HSPB8: variants seen among roughly 807,000 people sequenced by gnomAD.
HSPB8 encodes the protein heat shock protein family B (small) member 8.
Under a neutral mutation model 16.5 loss-of-function variants are expected in HSPB8, and 9 were observed. The observed-to-expected ratio is 0.55, with a 90% CI of 0.33 to 0.95. The LOEUF is 0.95. Ranked by LOEUF, HSPB8 falls within the 40% of genes least tolerant of loss-of-function variation. The pLI, the probability that HSPB8 is intolerant of heterozygous loss-of-function variation, is 0.03. For missense variants in HSPB8, 238 were observed against 251.2 expected (o/e 0.95, Z 0.35); for synonymous variants, 99 against 94.8 (o/e 1.04, Z -0.26).
intron 1 of HSPB8, among the ~76,000 whole-genome samples, chr12:119,180,519 G>A (rs1954629759): frequency 6.6e-6 from 1 of 152,166 alleles, no homozygotes; most frequent in Non-Finnish European, 1.5e-5. Context: ...AGGAGGCTGA[G>A]GCCTAGGTGG....
At chr12:119,193,192 C>T (rs529452857) in intron 2 of HSPB8, among the ~76,000 whole-genome samples, 5 of 152,304 alleles carry the variant, frequency 3.3e-5, no homozygotes, top group Middle Eastern at 3.4e-3. Flanking sequence ...GTGCTTGCAT[C>T]ACCATTAATG....
At chr12:119,192,765 A>G (rs1369820123) in intron 2 of HSPB8, among the ~76,000 whole-genome samples, 3 of 152,162 alleles carry the variant, frequency 2.0e-5, no homozygotes, top group Non-Finnish European at 4.4e-5. Flanking sequence ...TGATATATAT[A>G]TGAAAAAAAG....
chr12:119,186,990 T>C (rs1592930607), intron 1 of HSPB8, 35 bp from the exon 2 acceptor site: 5 of 1,606,294 alleles, frequency 3.1e-6, no homozygotes, highest in South Asian at 1.1e-5. Flanking sequence ...CCAAGGAACA[T>C]AGATGCTGAC....
chr12:119,179,166 T>G lies in HSPB8; in HGVS notation c.-147T>G. 4 of 793,868 alleles carry G rather than the reference T, an allele frequency of 5.0e-6. No homozygotes were observed. The highest frequency in any genetic ancestry group is 8.5e-6 in the Non-Finnish European group (4 of 471,022). 49.2% of individuals were successfully genotyped at this position (793,868 alleles called of 1,614,324 possible). A position where few individuals can be genotyped will look rare whatever the true frequency, so the allele number is the denominator to read the frequency against. On this transcript the variant is annotated 5_prime_UTR_variant, in exon 1 of 3. Transcript: ENST00000281938. ...GAGGGGACACAACCGTCCCTGGCAG[T>G]GGTTGGTTCTGCTTCTCCCTGCAGA...
chr12:119,191,183 T>G (rs909190805), intron 2 of HSPB8, among the ~76,000 whole-genome samples: 1 of 152,118 alleles, frequency 6.6e-6, no homozygotes, highest in Non-Finnish European at 1.5e-5. Context: ...AGGTGGGTAC[T>G]ATTATTGCCC....
rs1457357048 is a variant in HSPB8 at position 119,179,302 on chromosome 12, G to A, written c.-11G>A. On this transcript the variant is annotated 5_prime_UTR_variant, in exon 1 of 3. Transcript: ENST00000281938. ...CTGAGCCTCTGTTTCTCTCTGAGCT[G>A]AGCAGCCACCATGGCTGACGGTCAG... The A allele has an allele frequency of 6.2e-7, 1 of 1,613,228 alleles. No homozygotes were observed. Among genetic ancestry groups the A allele is most frequent in the Non-Finnish European group, 8.5e-7 (1 of 1,179,948 alleles).
Position 119,194,617 on chromosome 12 carries a change from G to A in HSPB8, c.*759G>A, listed in dbSNP as rs1186965535. ...CAAAGGCCAGATAGCCTGACAGATA[G>A]GCTAGTGGTATTGTGTATATGGGCG... On this transcript the variant is annotated 3_prime_UTR_variant, in exon 3 of 3. Coordinates refer to ENST00000281938, the MANE Select transcript of HSPB8 (RefSeq NM_014365.3). 5.5e-6 allele frequency: 1 copy of A among 180,556 alleles called. No homozygotes were observed. The highest frequency in any genetic ancestry group is 1.1e-5 in the Non-Finnish European group (1 of 88,394). The allele number at this position is 180,556 out of a possible 1,614,324, so 11.2% of individuals were successfully genotyped here.
intron 1 of HSPB8, among the ~76,000 whole-genome samples, chr12:119,185,765 T>C (rs1414972710): frequency 2.0e-5 from 3 of 152,198 alleles, no homozygotes; most frequent in African/African-American, 7.2e-5. Context: ...TGAGCCACTA[T>C]GCCCGGCCTA....
At position 119,187,151 on chromosome 12, in the gene HSPB8, A is replaced by C. The variant is rs1005751716; in HGVS notation, c.431+63A>C. ...GGAGGAGGGGGCACACCTGGGACCC[A>C]TGATCTGGGGTCTCTCCCTCTTGGG... On this transcript the variant is annotated intron_variant, in intron 2 of 2. Transcript: ENST00000281938. 52 of 1,338,874 alleles carry C rather than the reference A, an allele frequency of 3.9e-5. No homozygotes were observed. In the African/African-American group the frequency reaches 6.9e-4, roughly 18 times the overall value. The allele number at this position is 1,338,874 out of a possible 1,614,324, so 82.9% of individuals were successfully genotyped here.
intron 1 of HSPB8, among the ~76,000 whole-genome samples, chr12:119,180,365 G>T (rs1954628918): frequency 6.6e-6 from 1 of 152,212 alleles, no homozygotes. Context: ...GACCCAGGTT[G>T]TCTGGGAATT....
In HSPB8 at chr12:119,194,651, G is replaced by A. The variant is rs1954734281; in HGVS notation, c.*793G>A. The A allele has an allele frequency of 4.5e-6, 1 of 223,420 alleles. No homozygotes were observed. Among genetic ancestry groups the A allele is most frequent in the South Asian group, 1.7e-4 (1 of 5,914 alleles). The allele number at this position is 223,420 out of a possible 1,614,324, so 13.8% of individuals were successfully genotyped here. On this transcript the variant is annotated 3_prime_UTR_variant, in exon 3 of 3. Transcript: ENST00000281938. ...TATTGTGTATATGGGCGGGACGTGTGTGTCATTATTATTTGAGTTATGCTG... is the reference window on the plus strand; with the variant it reads ...TATTGTGTATATGGGCGGGACGTGTATGTCATTATTATTTGAGTTATGCTG...
rs540099611 is a variant in HSPB8, at chr12:119,192,846, T to C, written c.432-853T>C. Reference sequence around the variant, plus strand: ...ATCATGGCAAAAGGTGAAAGGCACGTCTTACATGGCAGCAGACAAGAGAGA... The same window carrying C: ...ATCATGGCAAAAGGTGAAAGGCACGCCTTACATGGCAGCAGACAAGAGAGA... On this transcript the variant is annotated intron_variant, in intron 2 of 2. Coordinates refer to ENST00000281938, the MANE Select transcript of HSPB8 (RefSeq NM_014365.3). Among the ~76,000 whole-genome samples the C allele has an allele frequency of 7.2e-5, 11 of 152,124 alleles. No individual in the cohort carries two copies. In the South Asian group the frequency reaches 1.7e-3, roughly 23 times the overall value.
At chr12:119,184,748 G>A (rs575270637) in intron 1 of HSPB8, among the ~76,000 whole-genome samples, 11 of 151,198 alleles carry the variant, frequency 7.3e-5, no homozygotes, top group East Asian at 2.0e-4. Context: ...GTCATAGGGC[G>A]GCCTGGTGTG....
intron 1 of HSPB8, among the ~76,000 whole-genome samples, chr12:119,185,418 C>T (rs938664592): frequency 3.3e-5 from 5 of 152,180 alleles, no homozygotes; most frequent in Non-Finnish European, 7.3e-5. Context: ...ACTGCAACCT[C>T]TGCCTCCCGG....
intron 1 of HSPB8, among the ~76,000 whole-genome samples, chr12:119,185,942 C>A (rs191869849): frequency 6.6e-6 from 1 of 152,172 alleles, no homozygotes; most frequent in African/African-American, 2.4e-5. Context: ...CCCTCAGAAG[C>A]ACCTCCCTGT....
intron 1 of HSPB8, among the ~76,000 whole-genome samples, chr12:119,181,587 C>T (rs567014151): frequency 2.0e-4 from 30 of 152,296 alleles, no homozygotes; most frequent in African/African-American, 7.0e-4. Flanking sequence ...TTTCCTTTCA[C>T]ATTCTATGAC....
intron 2 of HSPB8, 76 bp downstream of exon 2, chr12:119,187,164 T>C (rs1223320277): frequency 2.5e-6 from 3 of 1,200,912 alleles, no homozygotes; most frequent in Non-Finnish European, 1.2e-6. Flanking sequence ...ATCTGGGGTC[T>C]CTCCCTCTTG....
chr12:119,188,201 C>T (rs1016633399), intron 2 of HSPB8, among the ~76,000 whole-genome samples: 2 of 151,884 alleles, frequency 1.3e-5, no homozygotes, highest in Admixed American at 6.6e-5. Context: ...AGCGTCACTC[C>T]ACTATGTGCG....
At chr12:119,180,114 G>A (rs772215925) in intron 1 of HSPB8, among the ~76,000 whole-genome samples, 16 of 152,136 alleles carry the variant, frequency 1.1e-4, no homozygotes, top group South Asian at 2.1e-4. Flanking sequence ...ACTGGTTTCC[G>A]GTGAAACACC....
Sources: allele counts gnomAD v4.1 joint callset (sites outside exome capture counted in the v4.1 genomes callset), GRCh38; gene constraint gnomAD v4.1.1; transcripts MANE v1.5; gene names NCBI Gene and HGNC (gene_info 2026-07-23, HGNC 2026-07-21).